The following FER variants were observed in gnomAD, a reference collection of about 807,000 sequenced individuals.
The protein encoded by FER is tyrosine-protein kinase Fer.
In FER, 63 loss-of-function variants were observed where a neutral mutation model predicts 111.0. The observed-to-expected ratio is 0.57, with a 90% CI of 0.46 to 0.70. The LOEUF is 0.70. FER is among the 30% of genes least tolerant of loss of function. The pLI is 0.00. For missense variants in FER, 914 were observed against 954.0 expected, an observed-to-expected ratio of 0.96 and a Z score of 0.55; for synonymous variants, 327 against 313.9, an observed-to-expected ratio of 1.04 and a Z score of -0.44.
chr5:108,938,026 T>TCA lies in FER; in HGVS notation c.1237-8060_1237-8059dup, dbSNP rs201092702. Among the ~76,000 whole-genome samples the TCA allele has an allele frequency of 6.7e-3, 872 of 130,840 alleles. 2 individuals carry two copies. The highest frequency in any genetic ancestry group is 0.031 in the Middle Eastern group (8 of 260). 85.8% of individuals were successfully genotyped at this position (130,840 alleles called of 152,430 possible). Reference sequence around the variant, plus strand: ...CCTCCTTTTTTTCCCTATCTCTCTCTCACACACACACACACACACACACAC... The same window carrying TCA: ...CCTCCTTTTTTTCCCTATCTCTCTCTCACACACACACACACACACACACACAC... On this transcript the variant is annotated intron_variant, in intron 10 of 19. Transcript: ENST00000281092.
intron 2 of FER, among the ~76,000 whole-genome samples, chr5:108,790,103 A>G (rs938861511): frequency 2.0e-5 from 3 of 152,070 alleles, no homozygotes; most frequent in African/African-American, 7.2e-5. Flanking sequence ...AGGTGGGAGC[A>G]TTGCTTGAGG....
chr5:109,166,842 C>A (rs1756606873), intron 17 of FER, among the ~76,000 whole-genome samples: 2 of 152,118 alleles, frequency 1.3e-5, no homozygotes, highest in Admixed American at 1.3e-4. Flanking sequence ...GGCTTCTTTA[C>A]ATGGTATCAG....
At chr5:108,821,599 T>C (rs1758853219) in intron 3 of FER, among the ~76,000 whole-genome samples, 1 of 152,080 alleles carries the variant, frequency 6.6e-6, no homozygotes, top group African/African-American at 2.4e-5. Context: ...TTATTTTTCA[T>C]CCAATTTTGA....
chr5:108,917,066 A>T (rs911722043), intron 10 of FER, among the ~76,000 whole-genome samples: 2 of 152,132 alleles, frequency 1.3e-5, no homozygotes, highest in African/African-American at 4.8e-5. Flanking sequence ...AGAAAATTTC[A>T]TTGCCAGTCT....
chr5:109,046,346 A>AATAT (rs145546640), intron 15 of FER, among the ~76,000 whole-genome samples: 3 of 149,828 alleles, frequency 2.0e-5, no homozygotes, highest in Non-Finnish European at 4.5e-5. Context: ...TGTGTTAAAA[A>AATAT]ATATATATAT....
intron 5 of FER, among the ~76,000 whole-genome samples, chr5:108,845,162 CTTTT>C (rs1373718041): frequency 1.4e-5 from 2 of 143,882 alleles, no homozygotes; most frequent in African/African-American, 5.0e-5. Context: ...TTCTAGTAGA[CTTTT>C]GTTTTGTTTT....
At chr5:108,900,689 T>G (rs1317550249) in intron 10 of FER, among the ~76,000 whole-genome samples, 1 of 152,206 alleles carries the variant, frequency 6.6e-6, no homozygotes, top group Non-Finnish European at 1.5e-5. Flanking sequence ...ATACCGACTC[T>G]TCGGTGGTGA....
chr5:109,098,331 T>G (rs1275743387), intron 16 of FER, among the ~76,000 whole-genome samples: 3 of 151,770 alleles, frequency 2.0e-5, no homozygotes. Context: ...AAGTATTATA[T>G]CAAGAAGTAA....
At chr5:108,765,084 T>C (rs556859650) in intron 1 of FER, among the ~76,000 whole-genome samples, 2 of 152,342 alleles carry the variant, frequency 1.3e-5, no homozygotes, top group African/African-American at 2.4e-5. Context: ...TATGTGTAAT[T>C]GAGGAAGTTC....
At chr5:108,765,742 T>C (rs1157064992) in intron 1 of FER, among the ~76,000 whole-genome samples, 1 of 152,196 alleles carries the variant, frequency 6.6e-6, no homozygotes, top group Non-Finnish European at 1.5e-5. Flanking sequence ...AGAAGAGAGT[T>C]TAAACATTTT....
intron 9 of FER, among the ~76,000 whole-genome samples, chr5:108,889,311 G>C (rs917491020): frequency 6.6e-6 from 1 of 151,664 alleles, no homozygotes; most frequent in East Asian, 1.9e-4. Flanking sequence ...AGCAACCTAC[G>C]TGTCCATCAA....
chr5:109,031,940 T>C (rs1192377766), intron 13 of FER, among the ~76,000 whole-genome samples: 2 of 152,304 alleles, frequency 1.3e-5, no homozygotes, highest in Middle Eastern at 3.4e-3. Context: ...AGATGAACTT[T>C]CCTAGAGAAG....
chr5:108,880,759 T>A (rs1434093731), intron 8 of FER, among the ~76,000 whole-genome samples: 1 of 152,118 alleles, frequency 6.6e-6, no homozygotes, highest in African/African-American at 2.4e-5. Flanking sequence ...AAATGTTCAA[T>A]CTGACCTTTC....
At chr5:109,125,626 T>G (rs1751615822) in intron 17 of FER, among the ~76,000 whole-genome samples, 1 of 152,232 alleles carries the variant, frequency 6.6e-6, no homozygotes, top group Admixed American at 6.5e-5. Flanking sequence ...GGCACAGTGC[T>G]TAGAACATTT....
rs572384564 is a variant in FER at position 108,758,167 on chromosome 5, C to T, written c.-205-9926C>T. On this transcript the variant is annotated intron_variant, in intron 1 of 19. Transcript: ENST00000281092. ...GGAAGGGATGTGATTCTTCCATTTT[C>T]GGTCTTTCTACAGATGTTACTAGAA... 3.3e-5 allele frequency among the ~76,000 whole-genome samples: 5 copies of T among 152,266 alleles called. No homozygotes were observed. The South Asian group carries it at 6.2e-4, about 19-fold the overall frequency.
intron 5 of FER, among the ~76,000 whole-genome samples, chr5:108,840,062 A>G (rs1054214378): frequency 2.6e-5 from 4 of 152,212 alleles, no homozygotes; most frequent in Non-Finnish European, 5.9e-5. Flanking sequence ...GTGAATATGC[A>G]TACTGGATTC....
chr5:109,009,277 C>T (rs1252082802), intron 13 of FER, among the ~76,000 whole-genome samples: 1 of 152,064 alleles, frequency 6.6e-6, no homozygotes, highest in Non-Finnish European at 1.5e-5. Flanking sequence ...CTCAAGTGAA[C>T]TGCCCACCTC....
chr5:109,023,940 T>G (rs1397353252), intron 13 of FER, among the ~76,000 whole-genome samples: 2 of 152,192 alleles, frequency 1.3e-5, no homozygotes, highest in Non-Finnish European at 2.9e-5. Context: ...TAATGTTTAT[T>G]AAGCACTTAT....
At chr5:109,069,560 G>A (rs1775530473) in intron 16 of FER, among the ~76,000 whole-genome samples, 1 of 152,130 alleles carries the variant, frequency 6.6e-6, no homozygotes, top group Non-Finnish European at 1.5e-5. Context: ...GTATATTGAA[G>A]ATAGATTTAT....
Sources: gnomAD v4.1 joint callset for allele counts (sites outside exome capture counted in the v4.1 genomes callset) on GRCh38, gnomAD v4.1.1 for gene constraint, MANE v1.5 for transcripts, NCBI Gene and HGNC (gene_info 2026-07-23, HGNC 2026-07-21) for gene names.